ARHGAP12: variants seen among roughly 807,000 people sequenced by gnomAD.
The protein encoded by ARHGAP12 is rho GTPase-activating protein 12.
In ARHGAP12, 64 loss-of-function variants were observed where a neutral mutation model predicts 108.6. The observed-to-expected ratio is 0.59, with a 90% CI of 0.48 to 0.73. The LOEUF (loss-of-function observed/expected upper bound fraction) is 0.73, where lower values mean the gene tolerates loss of function less well. ARHGAP12 is among the 30% of genes least tolerant of loss of function. The probability of loss-of-function intolerance (pLI) is 0.00; values close to 1 mark genes in which losing one functional copy is unlikely to be tolerated. For synonymous variants in ARHGAP12, 312 were observed against 337.2 expected (o/e 0.93, Z 0.82); for missense variants, 940 against 1,005.9 (o/e 0.93, Z 0.89).
In ARHGAP12 at chr10:31,854,157, T is replaced by C. The variant is rs1322300495; in HGVS notation, c.998A>G (p.Asp333Gly). The C allele has an allele frequency of 9.3e-6, 15 of 1,613,794 alleles. No individual in the cohort carries two copies. Among genetic ancestry groups the C allele is most frequent in the Non-Finnish European group, 1.2e-5 (14 of 1,179,836 alleles). Residue 333 changes from aspartate (D) to glycine (G), a missense_variant, in exon 5 of 20, where the codon GAT (aspartate) becomes GGT (glycine). Transcript: ENST00000344936. ...NYYSTSYSQS[D>G]SQCGSPPRGW... ...CCTTGGAGGAGAACCACACTGACTA[T>C]CTGACTGGCTGTAAGAAGTGCTGTA... is the stretch of plus-strand genomic sequence containing the variant.
intron 6 of ARHGAP12, among the ~76,000 whole-genome samples, chr10:31,850,918 T>C (rs1159355763): frequency 2.6e-5 from 4 of 152,174 alleles, no homozygotes; most frequent in Admixed American, 2.6e-4. Context: ...AAATGTTTTA[T>C]TGAATTGTGT....
chr10:31,886,914 A>G (rs1375236967), intron 3 of ARHGAP12, among the ~76,000 whole-genome samples: 1 of 152,194 alleles, frequency 6.6e-6, no homozygotes, highest in African/African-American at 2.4e-5. Flanking sequence ...TTTACACATG[A>G]TCTTCAGGCC....
At chr10:31,872,665 T>A (rs892234895) in intron 3 of ARHGAP12, among the ~76,000 whole-genome samples, 2 of 152,182 alleles carry the variant, frequency 1.3e-5, no homozygotes, top group Non-Finnish European at 1.5e-5. Context: ...TCCTCCATGA[T>A]ACCACTAGTT....
chr10:31,821,661 C>T (rs1358970814), intron 11 of ARHGAP12, among the ~76,000 whole-genome samples: 3 of 152,216 alleles, frequency 2.0e-5, no homozygotes, highest in Admixed American at 6.5e-5. Context: ...AACCTGTTCC[C>T]GTTTACATCT....
At chr10:31,924,249 C>T (rs979597741) in intron 1 of ARHGAP12, among the ~76,000 whole-genome samples, 4 of 152,214 alleles carry the variant, frequency 2.6e-5, no homozygotes, top group African/African-American at 9.6e-5. Context: ...AAAGGCCTTA[C>T]ATGAACATTC....
chr10:31,853,959 G>A (rs1431101124), intron 5 of ARHGAP12, 107 bp downstream of exon 5: 5 of 1,165,772 alleles, frequency 4.3e-6, no homozygotes, highest in African/African-American at 1.6e-5. Context: ...TTACAATGAA[G>A]AATATTTTCA....
At chr10:31,903,988 G>C (rs1839026192) in intron 3 of ARHGAP12, among the ~76,000 whole-genome samples, 1 of 152,196 alleles carries the variant, frequency 6.6e-6, no homozygotes, top group South Asian at 2.1e-4. Context: ...GGAGGAACTG[G>C]ATTACTCATA....
intron 1 of ARHGAP12, among the ~76,000 whole-genome samples, chr10:31,915,853 G>C (rs11813229): frequency 0.24 from 35,984 of 151,962 alleles, 4,527 homozygotes; most frequent in Non-Finnish European, 0.29. Flanking sequence ...ATGATTATGG[G>C]GTAGCACTAA....
chr10:31,905,211 T>C (rs1218664518), intron 3 of ARHGAP12, among the ~76,000 whole-genome samples: 2 of 152,220 alleles, frequency 1.3e-5, no homozygotes, highest in African/African-American at 2.4e-5. Context: ...TGATTATTAA[T>C]CTTGTTGGCT....
intron 6 of ARHGAP12, among the ~76,000 whole-genome samples, chr10:31,844,316 T>A (rs1244066553): frequency 6.6e-6 from 1 of 152,236 alleles, no homozygotes; most frequent in Non-Finnish European, 1.5e-5. Context: ...CTTTGATATA[T>A]CTTTCCACAG....
At chr10:31,917,551 T>C (rs1231335404) in intron 1 of ARHGAP12, among the ~76,000 whole-genome samples, 1 of 152,228 alleles carries the variant, frequency 6.6e-6, no homozygotes, top group African/African-American at 2.4e-5. Context: ...CCCCAACCCA[T>C]TCAGGTATTC....
chr10:31,924,311 C>T (rs55859032), intron 1 of ARHGAP12, among the ~76,000 whole-genome samples: 78,429 of 152,002 alleles, frequency 0.52, 20,498 homozygotes, highest in African/African-American at 0.58. Flanking sequence ...TGAATACAAA[C>T]TGTGGTACAA....
rs575393881 is a variant in ARHGAP12, at chr10:31,870,840, C to T, written c.685-9182G>A. Among the ~76,000 whole-genome samples the T allele has an allele frequency of 3.3e-5, 5 of 152,270 alleles. No homozygotes were observed. In the South Asian group the frequency reaches 6.2e-4, roughly 19 times the overall value. On this transcript the variant is annotated intron_variant, in intron 3 of 19. Transcript: ENST00000344936. ...CAAATTCTAATGTTCCTGTCTAAAG[C>T]GTGACTGCATTGAGATTTCAAGCTC...
intron 11 of ARHGAP12, among the ~76,000 whole-genome samples, chr10:31,825,061 G>C (rs1379277710): frequency 2.0e-5 from 3 of 152,014 alleles, no homozygotes; most frequent in Non-Finnish European, 4.4e-5. Flanking sequence ...CCCTTTCACA[G>C]GTCATTTCCA....
At chr10:31,878,091 T>A (rs1837802076) in intron 3 of ARHGAP12, among the ~76,000 whole-genome samples, 1 of 152,168 alleles carries the variant, frequency 6.6e-6, no homozygotes. Flanking sequence ...AACATTTTCC[T>A]GACTAGAAAA....
chr10:31,844,940 A>T (rs1191747818), intron 6 of ARHGAP12, among the ~76,000 whole-genome samples: 1 of 152,202 alleles, frequency 6.6e-6, no homozygotes. Context: ...AAGGGATATT[A>T]AATGGAAATG....
intron 9 of ARHGAP12, among the ~76,000 whole-genome samples, chr10:31,836,826 T>A (rs1243439357): frequency 1.3e-5 from 2 of 151,886 alleles, no homozygotes; most frequent in African/African-American, 4.8e-5. Context: ...GAAACCTCCA[T>A]GGGAGGGCAC....
At chr10:31,894,960 C>T (rs888503408) in intron 3 of ARHGAP12, among the ~76,000 whole-genome samples, 1 of 152,174 alleles carries the variant, frequency 6.6e-6, no homozygotes, top group African/African-American at 2.4e-5. Flanking sequence ...CTACAACTAT[C>T]TAATCTTTGA....
chr10:31,806,238 T>A lies in ARHGAP12; in HGVS notation c.*1420A>T, dbSNP rs140157439. ...TCAGTTGATTTTTAAAAATGAGGTA[T>A]AACAGTATGCCAGTAAATGAAAAAA... is the stretch of plus-strand genomic sequence containing the variant. On this transcript the variant is annotated 3_prime_UTR_variant, in exon 20 of 20. Coordinates refer to ENST00000344936, the MANE Select transcript of ARHGAP12 (RefSeq NM_018287.7). 3.9e-5 allele frequency: 6 copies of A among 152,292 alleles called. No individual in the cohort carries two copies. In the East Asian group the frequency reaches 5.8e-4, roughly 15 times the overall value. The allele number at this position is 152,292 out of a possible 1,614,324, so 9.4% of individuals were successfully genotyped here.
Sources: allele counts gnomAD v4.1 joint callset (sites outside exome capture counted in the v4.1 genomes callset), GRCh38; gene constraint gnomAD v4.1.1; transcripts MANE v1.5; gene names NCBI Gene and HGNC (gene_info 2026-07-23, HGNC 2026-07-21).